Variants in XIRP2 observed in about 807,000 individuals in gnomAD.
XIRP2 encodes xin actin-binding repeat-containing protein 2.
Under a neutral mutation model 277.0 loss-of-function variants are expected in XIRP2, and 236 were observed. The observed-to-expected ratio is 0.85, with a 90% CI of 0.77 to 0.95. The LOEUF (loss-of-function observed/expected upper bound fraction) is 0.95, where lower values mean the gene tolerates loss of function less well. XIRP2 is among the 40% of genes least tolerant of loss of function. The pLI is 0.00. For missense variants in XIRP2, 4,640 were observed against 4,157.5 expected, an observed-to-expected ratio of 1.12 and a Z score of -3.19; for synonymous variants, 1,490 against 1,416.5, an observed-to-expected ratio of 1.05 and a Z score of -1.17.
rs201203056 is a variant in XIRP2, at chr2:166,950,454, TA to T, written c.408+46573del. On this transcript the variant is annotated intron_variant, in intron 2 of 10. Coordinates refer to ENST00000409195, the MANE Select transcript of XIRP2 (RefSeq NM_152381.6). ...GTTGTTACTTTTGGCAGCTCACAGA[TA>T]AAAAAAAATTGATAGAAAATAGGTT... is the stretch of plus-strand genomic sequence containing the variant. 2.3e-4 allele frequency among the ~76,000 whole-genome samples: 35 copies of T among 151,090 alleles called. No homozygotes were observed. The East Asian group carries it at 2.9e-3, about 13-fold the overall frequency.
chr2:167,037,221 C>T (rs940955682), intron 2 of XIRP2, among the ~76,000 whole-genome samples: 1 of 152,168 alleles, frequency 6.6e-6, no homozygotes, highest in African/African-American at 2.4e-5. Context: ...TAGATATTTA[C>T]AGAAAATTTC....
intron 2 of XIRP2, among the ~76,000 whole-genome samples, chr2:167,133,884 CATG>C (rs377189462): frequency 5.1e-4 from 78 of 152,260 alleles, no homozygotes; most frequent in African/African-American, 1.8e-3. Context: ...GTCTCAACAG[CATG>C]ATACCTCACT....
intron 2 of XIRP2, among the ~76,000 whole-genome samples, chr2:166,984,177 A>G (rs150031404): frequency 4.3e-4 from 66 of 152,318 alleles, no homozygotes; most frequent in African/African-American, 1.4e-3. Flanking sequence ...GCAAGAGGAC[A>G]ATTTATCAAT....
Position 167,251,031 on chromosome 2 carries a change from AATC to A in XIRP2, c.9645_9647del (p.Ile3215del), listed in dbSNP as rs780999518. On this transcript the variant is annotated inframe_deletion, in exon 9 of 11. Transcript: ENST00000409195. ...TTCCAATTGTAGAGAAGAGGTCTGAAATCATCATGTCTCCTGCAACACTTCGTC... is the reference window on the plus strand; with the variant it reads ...TTCCAATTGTAGAGAAGAGGTCTGAAATCATGTCTCCTGCAACACTTCGTC... 14 of 1,613,678 alleles carry A rather than the reference AATC, an allele frequency of 8.7e-6. No individual in the cohort carries two copies. Among genetic ancestry groups the A allele is most frequent in the Non-Finnish European group, 1.1e-5 (13 of 1,179,732 alleles).
At chr2:166,906,073 T>G (rs1684516104) in intron 2 of XIRP2, among the ~76,000 whole-genome samples, 1 of 152,050 alleles carries the variant, frequency 6.6e-6, no homozygotes, top group Admixed American at 6.6e-5. Context: ...TTATGTTTTT[T>G]GAGACTACTG....
intron 2 of XIRP2, among the ~76,000 whole-genome samples, chr2:167,093,314 GTTTTGT>G (rs1458692034): frequency 6.6e-6 from 1 of 151,710 alleles, no homozygotes; most frequent in African/African-American, 2.4e-5. Flanking sequence ...ATAAGTTTGT[GTTTTGT>G]TTTTGTTTTT....
intron 2 of XIRP2, among the ~76,000 whole-genome samples, chr2:167,106,493 T>C: frequency 6.6e-6 from 1 of 151,666 alleles, no homozygotes; most frequent in East Asian, 1.9e-4. Context: ...TTATGTGACC[T>C]TTTTCCGGGT....
chr2:166,960,394 G>C (rs1410251717), intron 2 of XIRP2, among the ~76,000 whole-genome samples: 2 of 151,652 alleles, frequency 1.3e-5, no homozygotes, highest in Non-Finnish European at 3.0e-5. Context: ...AAGGGCATGT[G>C]ACTGTTTCAA....
At chr2:167,203,529 G>GA (rs548951238) in intron 3 of XIRP2, among the ~76,000 whole-genome samples, 8 of 152,116 alleles carry the variant, frequency 5.3e-5, no homozygotes, top group Admixed American at 2.0e-4. Flanking sequence ...TCATTTGCTG[G>GA]AAAAAAATGC....
Position 167,245,310 on chromosome 2 carries a change from G to T in XIRP2, c.3918G>T (p.Gln1306His). 1 of 1,613,620 alleles carries T rather than the reference G, an allele frequency of 6.2e-7. No homozygotes were observed. Among genetic ancestry groups the T allele is most frequent in the East Asian group, 2.2e-5 (1 of 44,830 alleles). ...TKKTITEEVI[Q>H]GDVKSYRMLF... ...AAACAATTACTGAAGAAGTAATACA[G>T]GGTGATGTAAAAAGCTACAGAATGC... The change falls in exon 9 of 11, where the codon CAG (glutamine) becomes CAT (histidine). Residue 1306 changes from glutamine (Q) to histidine (H), a missense_variant. Gln to His is a conservative substitution (Grantham distance 24). Transcript: ENST00000409195.
chr2:167,201,474 A>G (rs1693720278), intron 3 of XIRP2, among the ~76,000 whole-genome samples: 1 of 152,086 alleles, frequency 6.6e-6, no homozygotes. Flanking sequence ...CATCCCCTGG[A>G]GCACAGTAGA....
chr2:166,899,495 T>C (rs567134721), intron 1 of XIRP2, among the ~76,000 whole-genome samples: 1 of 152,274 alleles, frequency 6.6e-6, no homozygotes, highest in Admixed American at 6.5e-5. Context: ...GATTCCTTCT[T>C]TCATCATTTC....
intron 2 of XIRP2, among the ~76,000 whole-genome samples, chr2:167,098,046 G>C (rs903676170): frequency 1.3e-5 from 2 of 152,118 alleles, no homozygotes; most frequent in Non-Finnish European, 2.9e-5. Flanking sequence ...TCTTCTCGAG[G>C]AGTATCTTTG....
chr2:167,206,339 T>G (rs959354977), intron 3 of XIRP2, among the ~76,000 whole-genome samples: 2 of 152,232 alleles, frequency 1.3e-5, no homozygotes, highest in African/African-American at 4.8e-5. Flanking sequence ...GTATGGATTT[T>G]CCTCTGTTTT....
At chr2:167,242,532 C>G in intron 8 of XIRP2, 37 bp from the exon 9 acceptor site, 1 of 1,571,932 alleles carries the variant, frequency 6.4e-7, no homozygotes, top group South Asian at 1.2e-5. Flanking sequence ...TGCCACTACA[C>G]TCACCTTTAT....
At chr2:167,043,392 A>C (rs766478133) in intron 2 of XIRP2, among the ~76,000 whole-genome samples, 1 of 152,106 alleles carries the variant, frequency 6.6e-6, no homozygotes, top group Non-Finnish European at 1.5e-5. Context: ...ACAAAAGATC[A>C]ATGAAACCAA....
chr2:167,077,671 G>A (rs1031801080), intron 2 of XIRP2, among the ~76,000 whole-genome samples: 1 of 152,180 alleles, frequency 6.6e-6, no homozygotes, highest in Admixed American at 6.5e-5. Flanking sequence ...GGAAAGTATG[G>A]TTCTACCATA....
chr2:166,978,013 CTAAT>C (rs1357947015), intron 2 of XIRP2, among the ~76,000 whole-genome samples: 3 of 152,134 alleles, frequency 2.0e-5, no homozygotes, highest in Non-Finnish European at 2.9e-5. Context: ...TAATTCAAGT[CTAAT>C]TAATGTGTGT....
chr2:166,899,313 T>A (rs1309239715), intron 1 of XIRP2, among the ~76,000 whole-genome samples: 1 of 152,120 alleles, frequency 6.6e-6, no homozygotes, highest in Non-Finnish European at 1.5e-5. Context: ...TAGTTTATAA[T>A]ATAATTGTGT....
Sources: gnomAD v4.1 joint callset for allele counts (sites outside exome capture counted in the v4.1 genomes callset) on GRCh38, gnomAD v4.1.1 for gene constraint, MANE v1.5 for transcripts, NCBI Gene and HGNC (gene_info 2026-07-23, HGNC 2026-07-21) for gene names.